ADGRL3: variants seen among roughly 807,000 people sequenced by gnomAD.
The protein encoded by ADGRL3 is calcium-independent alpha-latrotoxin receptor 3.
Under a neutral mutation model 153.5 loss-of-function variants are expected in ADGRL3, and 62 were observed. The observed-to-expected ratio is 0.40, with a 90% confidence interval of 0.33 to 0.50. The LOEUF (loss-of-function observed/expected upper bound fraction) is 0.50. Ranked by LOEUF, ADGRL3 falls within the 20% of genes least tolerant of loss-of-function variation. ADGRL3 has a pLI of 0.47. For missense variants in ADGRL3, 1,641 were observed against 1,859.4 expected (o/e 0.88, Z 2.16); for synonymous variants, 710 against 672.5 (o/e 1.06, Z -0.86).
At chr4:61,967,601 C>A (rs1248927085) in intron 17 of ADGRL3, among the ~76,000 whole-genome samples, 1 of 152,090 alleles carries the variant, frequency 6.6e-6, no homozygotes, top group East Asian at 1.9e-4. Context: ...GCAAAAATAC[C>A]CATCCACTTT....
At chr4:61,265,722 C>G (rs1248905728) in intron 1 of ADGRL3, among the ~76,000 whole-genome samples, 1 of 151,708 alleles carries the variant, frequency 6.6e-6, no homozygotes, top group Non-Finnish European at 1.5e-5. Flanking sequence ...TGAATTAAAG[C>G]AATATAACAT....
chr4:61,825,262 CA>C (rs2097790387), intron 9 of ADGRL3, among the ~76,000 whole-genome samples: 1 of 152,134 alleles, frequency 6.6e-6, no homozygotes, highest in Non-Finnish European at 1.5e-5. Context: ...TGGACAAAAC[CA>C]TTGCCACAGT....
intron 4 of ADGRL3, among the ~76,000 whole-genome samples, chr4:61,580,862 T>C (rs2098921893): frequency 6.6e-6 from 1 of 152,048 alleles, no homozygotes; most frequent in Non-Finnish European, 1.5e-5. Flanking sequence ...TTTAATGAAC[T>C]ACTCTCTGAA....
intron 3 of ADGRL3, 33 bp downstream of exon 3, chr4:61,497,381 ATGT>A (rs769600185): frequency 7.0e-7 from 1 of 1,432,186 alleles, no homozygotes; most frequent in East Asian, 2.3e-5. Flanking sequence ...GTAATGCTTA[ATGT>A]TGTCTCACTT....
At chr4:61,540,587 A>G (rs2098684422) in intron 4 of ADGRL3, among the ~76,000 whole-genome samples, 1 of 152,058 alleles carries the variant, frequency 6.6e-6, no homozygotes. Context: ...AAAAAAAAAT[A>G]CAATGGATTT....
At chr4:61,550,142 A>G (rs939060931) in intron 4 of ADGRL3, among the ~76,000 whole-genome samples, 2 of 151,330 alleles carry the variant, frequency 1.3e-5, no homozygotes, top group South Asian at 4.1e-4. Flanking sequence ...ATATAGAAAT[A>G]TCATGTAATA....
At chr4:62,004,194 G>A (rs2099149975) in intron 21 of ADGRL3, among the ~76,000 whole-genome samples, 1 of 151,872 alleles carries the variant, frequency 6.6e-6, no homozygotes, top group Non-Finnish European at 1.5e-5. Flanking sequence ...ATATTTTAAT[G>A]CTTTAATTTT....
intron 15 of ADGRL3, among the ~76,000 whole-genome samples, chr4:61,941,950 C>A (rs62304442): frequency 0.19 from 4,321 of 22,826 alleles, 523 homozygotes; most frequent in East Asian, 0.43. Flanking sequence ...ATTGCCCTGG[C>A]CAGAACTTCC....
At chr4:62,002,598 G>A (rs1337937279) in intron 21 of ADGRL3, among the ~76,000 whole-genome samples, 1 of 151,816 alleles carries the variant, frequency 6.6e-6, no homozygotes, top group Non-Finnish European at 1.5e-5. Flanking sequence ...TAGGTAATAT[G>A]ATTACAGGGG....
At chr4:62,019,765 C>A (rs572216617) in intron 21 of ADGRL3, among the ~76,000 whole-genome samples, 2 of 152,082 alleles carry the variant, frequency 1.3e-5, no homozygotes, top group Non-Finnish European at 2.9e-5. Flanking sequence ...AGAAAAATGA[C>A]AATGGACATT....
intron 13 of ADGRL3, among the ~76,000 whole-genome samples, chr4:61,933,058 TTTAA>T (rs33977158): frequency 0.017 from 2,590 of 152,126 alleles, 76 homozygotes; most frequent in African/African-American, 0.06. Flanking sequence ...TAGGTAAGAT[TTTAA>T]TTAATTATTA....
rs537214729 is a variant in ADGRL3, at chr4:61,377,255, A to T, written c.-239-5869A>T. On this transcript the variant is annotated intron_variant, in intron 1 of 26. Transcript: ENST00000683033. ...CTTATATGTGCAGACAGGCAAACTG[A>T]TAGTCACCACAATATATTTCTTCCC... Among the ~76,000 whole-genome samples the T allele has an allele frequency of 2.6e-5, 4 of 152,158 alleles. No individual in the cohort carries two copies. In the East Asian group the frequency reaches 7.7e-4, roughly 29 times the overall value.
intron 17 of ADGRL3, among the ~76,000 whole-genome samples, chr4:61,975,782 G>A (rs1252029495): frequency 6.6e-6 from 1 of 152,134 alleles, no homozygotes; most frequent in Non-Finnish European, 1.5e-5. Context: ...ATTAAATGTA[G>A]TGCGTGAAGG....
chr4:61,677,397 C>A (rs1302044431), intron 6 of ADGRL3: 1 of 419,254 alleles, frequency 2.4e-6, no homozygotes, highest in Non-Finnish European at 4.6e-6. Flanking sequence ...AGGAGTAGAC[C>A]AGAAAGAAAA....
chr4:61,971,792 A>G (rs971864415), intron 17 of ADGRL3, among the ~76,000 whole-genome samples: 5 of 152,092 alleles, frequency 3.3e-5, no homozygotes, highest in Admixed American at 1.3e-4. Flanking sequence ...AAATGTTCCT[A>G]TTTCTCCACA....
Position 61,969,173 on chromosome 4 carries a change from A to G in ADGRL3, c.2806-10390A>G, listed in dbSNP as rs2099017606. On this transcript the variant is annotated intron_variant, in intron 17 of 26. Coordinates refer to ENST00000683033, the MANE Select transcript of ADGRL3 (RefSeq NM_001387552.1). ...AGTTGCAACCTTTGAATCAGAAAAA[A>G]GTAACTGTACTCAGGTGTGTTGAGC... is the stretch of plus-strand genomic sequence containing the variant. Among the ~76,000 whole-genome samples, 2 of 152,164 alleles carry G rather than the reference A, an allele frequency of 1.3e-5. 1 individual carries two copies. The highest frequency in any genetic ancestry group is 4.1e-4 in the South Asian group (2 of 4,836).
chr4:61,497,570 C>T (rs889638799), intron 3 of ADGRL3, among the ~76,000 whole-genome samples: 1 of 143,754 alleles, frequency 7.0e-6, no homozygotes. Context: ...GGCTCGAGTG[C>T]GGTGGCACGA....
intron 1 of ADGRL3, among the ~76,000 whole-genome samples, chr4:61,308,355 G>A (rs1371138910): frequency 2.6e-5 from 4 of 152,120 alleles, no homozygotes; most frequent in Admixed American, 1.3e-4. Flanking sequence ...TCCCTGGAAG[G>A]GTGACAGTGA....
chr4:61,464,084 C>T (rs963801341), intron 2 of ADGRL3, among the ~76,000 whole-genome samples: 1 of 152,144 alleles, frequency 6.6e-6, no homozygotes, highest in African/African-American at 2.4e-5. Flanking sequence ...GTTTGGTTGT[C>T]TTCCAATAAA....
Sources: gnomAD v4.1 joint callset for allele counts (sites outside exome capture counted in the v4.1 genomes callset) on GRCh38, gnomAD v4.1.1 for gene constraint, MANE v1.5 for transcripts, NCBI Gene and HGNC (gene_info 2026-07-23, HGNC 2026-07-21) for gene names.